RAB15: variants seen among roughly 807,000 people sequenced by gnomAD.
The protein encoded by RAB15 is RAB15, member RAS oncogene family, also known as ras-related protein Rab-15.
RAB15 carries 13 observed loss-of-function variants against 31.8 expected under a neutral mutation model. That is an observed-to-expected ratio of 0.41 (90% CI 0.27 to 0.65). The LOEUF (loss-of-function observed/expected upper bound fraction) is 0.65, where lower values mean the gene tolerates loss of function less well. RAB15 is among the 30% of genes least tolerant of loss of function. RAB15 has a pLI of 0.32. For missense variants in RAB15, 220 were observed against 277.3 expected (o/e 0.79, Z 1.47); for synonymous variants, 100 against 105.6 (o/e 0.95, Z 0.33).
At position 64,970,364 on chromosome 14, in the gene RAB15, C is replaced by T. The variant is rs993817602; in HGVS notation, c.124+1589G>A. ...CACCTGCCTCTTCCCCAAGTCCTCCCGGCAGGCACAAAGCCTTAGTGTCTA... is the reference window on the plus strand; with the variant it reads ...CACCTGCCTCTTCCCCAAGTCCTCCTGGCAGGCACAAAGCCTTAGTGTCTA... On this transcript the variant is annotated intron_variant, in intron 1 of 6. Coordinates refer to ENST00000533601, the MANE Select transcript of RAB15 (RefSeq NM_001308154.2). This position sits in a 1 kb window ranked among gnomAD's most constrained non-coding sequence, Gnocchi z 4.1. 1.3e-4 allele frequency among the ~76,000 whole-genome samples: 20 copies of T among 152,240 alleles called. No individual in the cohort carries two copies. The highest frequency in any genetic ancestry group is 4.1e-4 in the South Asian group (2 of 4,836).
intron 5 of RAB15, among the ~76,000 whole-genome samples, chr14:64,949,262 C>G (rs1222628638): frequency 2.0e-5 from 3 of 152,230 alleles, no homozygotes; most frequent in Non-Finnish European, 4.4e-5. Flanking sequence ...TCAATAAATA[C>G]TATCCTAGTA....
rs577484276 is a variant in RAB15, at chr14:64,951,174, G to A, written c.247-23C>T. On this transcript the variant is annotated intron_variant, in intron 3 of 6. Coordinates refer to ENST00000533601, the MANE Select transcript of RAB15 (RefSeq NM_001308154.2). The surrounding 1 kb of genome is among the most constrained non-coding windows in gnomAD (Gnocchi z 7.2). ...CCCCTGAGAGAGAGAGAAATAGAGA[G>A]ATGTGATATGCACAGAGAGAGTGCA... 3.7e-5 allele frequency: 56 copies of A among 1,507,036 alleles called. No individual in the cohort carries two copies. In the South Asian group the frequency reaches 5.5e-4, roughly 15 times the overall value. 93.4% of individuals were successfully genotyped at this position (1,507,036 alleles called of 1,614,324 possible). A position where few individuals can be genotyped will look rare whatever the true frequency, so the allele number is the denominator to read the frequency against.
intron 1 of RAB15, among the ~76,000 whole-genome samples, chr14:64,965,872 CG>C (rs1288990236): frequency 2.0e-5 from 3 of 152,206 alleles, no homozygotes; most frequent in African/African-American, 7.2e-5. Flanking sequence ...TGCACAGCAG[CG>C]GAAACCCTCC....
At chr14:64,957,227 G>C (rs10138382) in intron 1 of RAB15, among the ~76,000 whole-genome samples, 3 of 152,100 alleles carry the variant, frequency 2.0e-5, no homozygotes, top group Non-Finnish European at 2.9e-5. Context: ...ATGAGCCTCC[G>C]CACCAGGCCG....
In RAB15 at chr14:64,970,069, A is replaced by G. The variant is rs187735567; in HGVS notation, c.124+1884T>C. Among the ~76,000 whole-genome samples, 1 of 152,300 alleles carries G rather than the reference A, an allele frequency of 6.6e-6. No homozygotes were observed. Among genetic ancestry groups the G allele is most frequent in the East Asian group, 1.9e-4 (1 of 5,176 alleles). On this transcript the variant is annotated intron_variant, in intron 1 of 6. Transcript: ENST00000533601. The surrounding 1 kb of genome is among the most constrained non-coding windows in gnomAD (Gnocchi z 4.1). Reference sequence around the variant, plus strand: ...TGGTTGAATGAAGCCCTCAAAGGGAAAAGTCCATGTCACCTATAGGACTTG... The same window carrying G: ...TGGTTGAATGAAGCCCTCAAAGGGAGAAGTCCATGTCACCTATAGGACTTG...
intron 1 of RAB15, among the ~76,000 whole-genome samples, chr14:64,969,490 G>A (rs1188333750): frequency 6.6e-6 from 1 of 152,204 alleles, no homozygotes; most frequent in African/African-American, 2.4e-5. Flanking sequence ...AAGATACCCA[G>A]TGGGGCAGAT....
chr14:64,966,997 C>T lies in RAB15; in HGVS notation c.124+4956G>A, dbSNP rs549216843. Among the ~76,000 whole-genome samples, 17 of 152,268 alleles carry T rather than the reference C, an allele frequency of 1.1e-4. No individual in the cohort carries two copies. The South Asian group carries it at 3.5e-3, about 32-fold the overall frequency. ...AGGCCCCAGTGTCTGTTAGGTCACC[C>T]CATTCCAGGCTTGGATCTAGCCCCA... On this transcript the variant is annotated intron_variant, in intron 1 of 6. Transcript: ENST00000533601.
At position 64,951,307 on chromosome 14, in the gene RAB15, G is replaced by A. The variant is rs1229517158; in HGVS notation, c.247-156C>T. On this transcript the variant is annotated intron_variant, in intron 3 of 6. Transcript: ENST00000533601. The surrounding 1 kb of genome is among the most constrained non-coding windows in gnomAD (Gnocchi z 7.2). Reference sequence around the variant, plus strand: ...TCTTCTCTCAGACCCCACCACTGCCGCCTCCCAGGCCCATCACAGAACTCT... The same window carrying A: ...TCTTCTCTCAGACCCCACCACTGCCACCTCCCAGGCCCATCACAGAACTCT... 3.9e-5 allele frequency among the ~76,000 whole-genome samples: 6 copies of A among 152,112 alleles called. No individual in the cohort carries two copies. The highest frequency in any genetic ancestry group is 9.7e-5 in the African/African-American group (4 of 41,422).
At position 64,952,817 on chromosome 14, in the gene RAB15, G is replaced by A. The variant is rs929027275; in HGVS notation, c.125-246C>T. 9.9e-5 allele frequency among the ~76,000 whole-genome samples: 15 copies of A among 152,232 alleles called. No individual in the cohort carries two copies. The highest frequency in any genetic ancestry group is 1.9e-4 in the Non-Finnish European group (13 of 68,046). On this transcript the variant is annotated intron_variant, in intron 1 of 6. Transcript: ENST00000533601. This position sits in a 1 kb window ranked among gnomAD's most constrained non-coding sequence, Gnocchi z 4.2. ...AAGGCCCTGGGGGACCCAGAGGAGGGAGAGTGAATCTGGGGAAATCTACTT... is the reference window on the plus strand; with the variant it reads ...AAGGCCCTGGGGGACCCAGAGGAGGAAGAGTGAATCTGGGGAAATCTACTT...
chr14:64,970,210 C>T lies in RAB15; in HGVS notation c.124+1743G>A, dbSNP rs1366846735. On this transcript the variant is annotated intron_variant, in intron 1 of 6. Coordinates refer to ENST00000533601, the MANE Select transcript of RAB15 (RefSeq NM_001308154.2). The surrounding 1 kb of genome is among the most constrained non-coding windows in gnomAD (Gnocchi z 4.1). ...AGTAGTTCCAAGCACCAGGCCTCTC[C>T]CAAAAATAGCCACTCCTAGTTTCCT... is the stretch of plus-strand genomic sequence containing the variant. 6.6e-6 allele frequency among the ~76,000 whole-genome samples: 1 copy of T among 152,182 alleles called. No individual in the cohort carries two copies. Among genetic ancestry groups the T allele is most frequent in the African/African-American group, 2.4e-5 (1 of 41,436 alleles).
Position 64,950,978 on chromosome 14 carries a change from C to T in RAB15, c.324+96G>A, listed in dbSNP as rs972438784. The T allele has an allele frequency of 1.9e-6, 3 of 1,614,018 alleles. No homozygotes were observed. Among genetic ancestry groups the T allele is most frequent in the Non-Finnish European group, 2.5e-6 (3 of 1,179,970 alleles). Reference sequence around the variant, plus strand: ...TCATCCAGGGCTGTGGAAGGCAAAGCTTCCTGGAAGCATTTGCCTTCCCAT... The same window carrying T: ...TCATCCAGGGCTGTGGAAGGCAAAGTTTCCTGGAAGCATTTGCCTTCCCAT... On this transcript the variant is annotated intron_variant, in intron 4 of 6. Transcript: ENST00000533601. The surrounding 1 kb of genome is among the most constrained non-coding windows in gnomAD (Gnocchi z 5.6).
Position 64,950,600 on chromosome 14 carries a change from G to T in RAB15, c.325-186C>A, listed in dbSNP as rs964998266. ...TGACCTCAAGGGTATCACGGGGAGAGCTTAGGGTAGAAGACACTCTGGCTA... is the reference window on the plus strand; with the variant it reads ...TGACCTCAAGGGTATCACGGGGAGATCTTAGGGTAGAAGACACTCTGGCTA... On this transcript the variant is annotated intron_variant, in intron 4 of 6. Transcript: ENST00000533601. This position sits in a 1 kb window ranked among gnomAD's most constrained non-coding sequence, Gnocchi z 5.6. The T allele has an allele frequency of 7.9e-6, 5 of 636,612 alleles. No homozygotes were observed. In the East Asian group the frequency reaches 8.1e-5, roughly 10 times the overall value. 39.4% of individuals were successfully genotyped at this position (636,612 alleles called of 1,614,324 possible). A position where few individuals can be genotyped will look rare whatever the true frequency, so the allele number is the denominator to read the frequency against.
rs568633179 is a variant in RAB15, at chr14:64,955,395, C to T, written c.125-2824G>A. 6.6e-5 allele frequency among the ~76,000 whole-genome samples: 10 copies of T among 152,312 alleles called. No homozygotes were observed. Among genetic ancestry groups the T allele is most frequent in the Admixed American group, 2.6e-4 (4 of 15,294 alleles). On this transcript the variant is annotated intron_variant, in intron 1 of 6. Coordinates refer to ENST00000533601, the MANE Select transcript of RAB15 (RefSeq NM_001308154.2). The surrounding 1 kb of genome is among the most constrained non-coding windows in gnomAD (Gnocchi z 4.4). ...CCTGGCCCCAGTAACCCGTGCCCATCGTGGCTCCTTCCCTCTCCCTGCGTG... is the reference window on the plus strand; with the variant it reads ...CCTGGCCCCAGTAACCCGTGCCCATTGTGGCTCCTTCCCTCTCCCTGCGTG...
Position 64,951,052 on chromosome 14 carries a change from G to A in RAB15, c.324+22C>T. 1 of 1,613,130 alleles carries A rather than the reference G, an allele frequency of 6.2e-7. No individual in the cohort carries two copies. The highest frequency in any genetic ancestry group is 8.5e-7 in the Non-Finnish European group (1 of 1,179,952). On this transcript the variant is annotated intron_variant, in intron 4 of 6. Coordinates refer to ENST00000533601, the MANE Select transcript of RAB15 (RefSeq NM_001308154.2). This position sits in a 1 kb window ranked among gnomAD's most constrained non-coding sequence, Gnocchi z 7.2. Reference sequence around the variant, plus strand: ...GGTGAGGCACCCTCTCCACACCCCGGCAGTGAGGTGGCATCTCCTACCTCA... The same window carrying A: ...GGTGAGGCACCCTCTCCACACCCCGACAGTGAGGTGGCATCTCCTACCTCA...
chr14:64,964,920 T>C (rs1353607340), intron 1 of RAB15, among the ~76,000 whole-genome samples: 2 of 151,568 alleles, frequency 1.3e-5, no homozygotes, highest in African/African-American at 4.8e-5. Context: ...CTATAGTTCA[T>C]GGTGCCATGG....
Position 64,948,670 on chromosome 14 carries a change from C to A in RAB15, c.478G>T (p.Glu160Ter), listed in dbSNP as rs773076080. ...TSACTNLNIK[E>*]SFTRLTELVL... ...CGCCTGGTCACCAGGGCTCTCACCT[C>A]TTTAATGTTGAGGTTGGTGCAGGCA... Residue 160 changes from glutamate (E) to a stop codon, truncating the protein, a stop_gained and splice_region_variant, in exon 6 of 7, where the codon GAG becomes TAG. Transcript: ENST00000533601. LOFTEE classifies it high-confidence loss of function. This position sits in a 1 kb window ranked among gnomAD's most constrained non-coding sequence, Gnocchi z 7.0. 2 of 1,614,018 alleles carry A rather than the reference C, an allele frequency of 1.2e-6. No homozygotes were observed. Among genetic ancestry groups the A allele is most frequent in the Non-Finnish European group, 1.7e-6 (2 of 1,180,022 alleles).
chr14:64,957,528 TACTC>T (rs1191823491), intron 1 of RAB15, among the ~76,000 whole-genome samples: 1 of 152,154 alleles, frequency 6.6e-6, no homozygotes, highest in Non-Finnish European at 1.5e-5. Flanking sequence ...CGCCCAGCCC[TACTC>T]ACTCTTCTGC....
rs1389204374 is a variant in RAB15 at position 64,948,595 on chromosome 14, T to C, written c.480+73A>G. ...GCAGCGGCCTGAGGGATAAGGTCCA[T>C]CTTATGGCTCCTCCTCCCACCTCTG... On this transcript the variant is annotated intron_variant, in intron 6 of 6. Transcript: ENST00000533601. The surrounding 1 kb of genome is among the most constrained non-coding windows in gnomAD (Gnocchi z 7.0). 1.3e-5 allele frequency: 21 copies of C among 1,609,436 alleles called. No homozygotes were observed. Among genetic ancestry groups the C allele is most frequent in the Middle Eastern group, 1.7e-4 (1 of 6,036 alleles).
Position 64,955,252 on chromosome 14 carries a change from A to G in RAB15, c.125-2681T>C, listed in dbSNP as rs1435177903. ...TCCTTCCTCCCTCCCCGCCCACACA[A>G]CCTCTCTTAAATTTAAAAAAGGTTA... On this transcript the variant is annotated intron_variant, in intron 1 of 6. Coordinates refer to ENST00000533601, the MANE Select transcript of RAB15 (RefSeq NM_001308154.2). This position sits in a 1 kb window ranked among gnomAD's most constrained non-coding sequence, Gnocchi z 4.4. Among the ~76,000 whole-genome samples, 1 of 151,680 alleles carries G rather than the reference A, an allele frequency of 6.6e-6. No individual in the cohort carries two copies. The highest frequency in any genetic ancestry group is 6.6e-5 in the Admixed American group (1 of 15,262).
Sources: gnomAD v4.1 joint callset for allele counts (sites outside exome capture counted in the v4.1 genomes callset) on GRCh38, gnomAD v4.1.1 for gene constraint, Gnocchi (gnomAD v3.1) non-coding constraint, MANE v1.5 for transcripts, NCBI Gene and HGNC (gene_info 2026-07-23, HGNC 2026-07-21) for gene names.